The following TMEM43 variants were observed in gnomAD, a reference collection of about 807,000 sequenced individuals.
TMEM43 encodes the protein transmembrane protein 43.
A neutral mutation model predicts 49.6 loss-of-function variants in TMEM43; 45 were observed. The ratio of observed to expected loss-of-function variants is 0.91; its 90% CI spans 0.71 to 1.16. The LOEUF (loss-of-function observed/expected upper bound fraction) is 1.16. Among genes scored for constraint, TMEM43 ranks in the 50% most tolerant of loss-of-function variants. TMEM43 has a pLI of 0.00. For missense variants in TMEM43, 532 were observed against 516.6 expected (o/e 1.03, Z -0.29); for synonymous variants, 199 against 207.8 (o/e 0.96, Z 0.36).
chr3:14,136,050 C>T (rs769015394), intron 10 of TMEM43, 142 bp downstream of exon 10: 2 of 798,284 alleles, frequency 2.5e-6, no homozygotes, highest in African/African-American at 3.4e-5. Flanking sequence ...GTTGAGTATG[C>T]CTCATCAAAG....
chr3:14,139,113 C>A, intron 10 of TMEM43, 67 bp from the exon 11 acceptor site: 1 of 1,186,352 alleles, frequency 8.4e-7, no homozygotes, highest in Non-Finnish European at 1.3e-6. Context: ...CCCCTCAGGA[C>A]CTGCCCTGCC....
intron 4 of TMEM43, 44 bp from the exon 5 acceptor site, chr3:14,132,502 G>C (rs573490765): frequency 6.2e-7 from 1 of 1,611,568 alleles, no homozygotes; most frequent in Non-Finnish European, 8.5e-7. Context: ...AGACTGCCTG[G>C]GGCGACGAGG....
At chr3:14,129,379 G>C (rs1447477787) in intron 1 of TMEM43, 33 bp from the exon 2 acceptor site, 1 of 1,422,162 alleles carries the variant, frequency 7.0e-7, no homozygotes, top group African/African-American at 1.5e-5. Flanking sequence ...TTAAAAACTA[G>C]TTTTCATTCT....
At chr3:14,127,880 C>T (rs1386809060) in intron 1 of TMEM43, among the ~76,000 whole-genome samples, 1 of 152,168 alleles carries the variant, frequency 6.6e-6, no homozygotes, top group Non-Finnish European at 1.5e-5. Context: ...TCCTCTGGCC[C>T]CCAATACCAG....
Position 14,142,695 on chromosome 3 carries a change from TTG to T in TMEM43, c.*904_*905del, listed in dbSNP as rs1695267990. On this transcript the variant is annotated 3_prime_UTR_variant, in exon 12 of 12. Transcript: ENST00000306077. ...TGATAAAAAGTTACCTCTCAGTATT[TTG>T]TGTCACTGAGAAGCTTTACAATGGA... 1 of 152,684 alleles carries T rather than the reference TTG, an allele frequency of 6.5e-6. No homozygotes were observed. The highest frequency in any genetic ancestry group is 1.5e-5 in the Non-Finnish European group (1 of 68,048). The allele number at this position is 152,684 out of a possible 1,614,324, so 9.5% of individuals were successfully genotyped here. A position where few individuals can be genotyped will look rare whatever the true frequency, so the allele number is the denominator to read the frequency against.
chr3:14,131,471 C>T (rs370322380), intron 3 of TMEM43, 109 bp from the exon 4 acceptor site: 19 of 880,240 alleles, frequency 2.2e-5, no homozygotes, highest in Admixed American at 1.0e-4. Flanking sequence ...CCACCCTTGT[C>T]CCCTTCTCTA....
intron 11 of TMEM43, among the ~76,000 whole-genome samples, chr3:14,141,201 A>G (rs543770397): frequency 6.6e-6 from 1 of 152,338 alleles, no homozygotes; most frequent in East Asian, 1.9e-4. Context: ...GAGAGGCCCA[A>G]ATAGGCACCT....
Position 14,141,736 on chromosome 3 carries a change from C to G in TMEM43, c.1144C>G (p.Leu382Val), listed in dbSNP as rs775787872. The G allele has an allele frequency of 6.2e-7, 1 of 1,614,202 alleles. No individual in the cohort carries two copies. Among genetic ancestry groups the G allele is most frequent in the South Asian group, 1.1e-5 (1 of 91,080 alleles). Residue 382 changes from leucine to valine, a missense_variant, in exon 12 of 12, where the codon CTG becomes GTG. Coordinates refer to ENST00000306077, the MANE Select transcript of TMEM43 (RefSeq NM_024334.3). ...RPLWALLIAG[L>V]ALVPILVART... is the part of the protein sequence containing the mutation. ...CCTGTGGGCCCTCCTCATTGCCGGC[C>G]TGGCCCTTGTGCCCATCCTTGTTGC...
At position 14,135,925 on chromosome 3, in the gene TMEM43, A is replaced by T; in HGVS notation, c.882+17A>T. 6.2e-7 allele frequency: 1 copy of T among 1,601,654 alleles called. No individual in the cohort carries two copies. Among genetic ancestry groups the T allele is most frequent in the South Asian group, 1.1e-5 (1 of 90,854 alleles). ...TCAGCAGAGGTGAGTGCTGTGCCCT[A>T]CTCGTACGGTGGAGGAACAAGCATG... On this transcript the variant is annotated intron_variant, in intron 10 of 11. Coordinates refer to ENST00000306077, the MANE Select transcript of TMEM43 (RefSeq NM_024334.3).
intron 4 of TMEM43, 69 bp from the exon 5 acceptor site, chr3:14,132,477 A>C: frequency 6.4e-7 from 1 of 1,567,750 alleles, no homozygotes; most frequent in Non-Finnish European, 8.8e-7. Context: ...CTTCCTGCTC[A>C]GATGCTTAGA....
chr3:14,139,296 G>A lies in TMEM43; in HGVS notation c.999G>A (p.Leu333=), dbSNP rs781768250. Residue 333 remains leucine, a splice_region_variant and synonymous_variant, in exon 11 of 12, where the codon TTG becomes TTA. Transcript: ENST00000306077. ...TTATGACACGGATCCTCTACACCTT[G>A]GGTAGGTGTTGGGGTGGGTCACTGC... ...LNLMTRILYT[L]VDWFPVFRDL... 1 of 1,610,954 alleles carries A rather than the reference G, an allele frequency of 6.2e-7. No individual in the cohort carries two copies. Among genetic ancestry groups the A allele is most frequent in the South Asian group, 1.1e-5 (1 of 91,012 alleles).
chr3:14,131,043 T>C, intron 3 of TMEM43, 87 bp downstream of exon 3: 2 of 1,518,084 alleles, frequency 1.3e-6, no homozygotes, highest in Non-Finnish European at 1.8e-6. Context: ...GCATGGGCCT[T>C]GGAGATGGTC....
chr3:14,131,082 A>G (rs1293276904), intron 3 of TMEM43, 126 bp downstream of exon 3: 1 of 1,223,838 alleles, frequency 8.2e-7, no homozygotes, highest in African/African-American at 1.5e-5. Context: ...CGACTTTACC[A>G]CTCAGCAGCT....
chr3:14,133,690 G>GTTGTTTGTGCTGACACACA (rs1241720715), intron 6 of TMEM43, 49 bp from the exon 7 acceptor site: 6 of 1,576,690 alleles, frequency 3.8e-6, no homozygotes, highest in Non-Finnish European at 4.4e-6. Context: ...AGGGACCCGG[G>GTTGTTTGTGCTGACACACA]CAGCTCCCAC....
chr3:14,125,318 G>A (rs1695003418), intron 1 of TMEM43, 113 bp downstream of exon 1: 1 of 1,302,564 alleles, frequency 7.7e-7, no homozygotes, highest in Non-Finnish European at 1.1e-6. Flanking sequence ...GTGCGGCTAG[G>A]CCCGCATCTC....
At position 14,134,793 on chromosome 3, in the gene TMEM43, T is replaced by G; in HGVS notation, c.607T>G (p.Phe203Val). Residue 203 changes from phenylalanine to valine, a missense_variant, in exon 8 of 12, where the codon TTC becomes GTC. Coordinates refer to ENST00000306077, the MANE Select transcript of TMEM43 (RefSeq NM_024334.3). ...AGGCCTCATCGACAAAGTCGACAAC[T>G]TCAAGTCCCTGAGCCTATCCAAGCT... ...SSGLIDKVDNFKSLSLSKLED... is the reference protein window; with the variant it reads ...SSGLIDKVDNVKSLSLSKLED... 6.2e-7 allele frequency: 1 copy of G among 1,614,030 alleles called. No homozygotes were observed. The highest frequency in any genetic ancestry group is 2.2e-5 in the East Asian group (1 of 44,880).
chr3:14,125,441 C>T (rs1420859492), intron 1 of TMEM43, among the ~76,000 whole-genome samples: 1 of 152,206 alleles, frequency 6.6e-6, no homozygotes, highest in Non-Finnish European at 1.5e-5. Flanking sequence ...GGCGTTCGTG[C>T]GGAGGCGGAC....
At chr3:14,130,566 C>T (rs1320854566) in intron 2 of TMEM43, among the ~76,000 whole-genome samples, 1 of 152,124 alleles carries the variant, frequency 6.6e-6, no homozygotes, top group Non-Finnish European at 1.5e-5. Flanking sequence ...GCTGTTCCCA[C>T]CACTGGGGCA....
rs1386925649 is a variant in TMEM43 at position 14,142,520 on chromosome 3, T to C, written c.*725T>C. On this transcript the variant is annotated 3_prime_UTR_variant, in exon 12 of 12. Coordinates refer to ENST00000306077, the MANE Select transcript of TMEM43 (RefSeq NM_024334.3). ...TTACTTTGCTGCTTCATGTGTACTTTCCTACCCCAAGAGGAAGTTTTCTGA... is the reference window on the plus strand; with the variant it reads ...TTACTTTGCTGCTTCATGTGTACTTCCCTACCCCAAGAGGAAGTTTTCTGA... 1 of 152,640 alleles carries C rather than the reference T, an allele frequency of 6.6e-6. No homozygotes were observed. The highest frequency in any genetic ancestry group is 1.5e-5 in the Non-Finnish European group (1 of 68,052). The allele number at this position is 152,640 out of a possible 1,614,324, so 9.5% of individuals were successfully genotyped here.
Sources: gnomAD v4.1 joint callset for allele counts (sites outside exome capture counted in the v4.1 genomes callset) on GRCh38, gnomAD v4.1.1 for gene constraint, MANE v1.5 for transcripts, NCBI Gene and HGNC (gene_info 2026-07-23, HGNC 2026-07-21) for gene names.